TCF12: variants seen among roughly 807,000 people sequenced by gnomAD.
TCF12 encodes transcription factor 12, also known as DNA-binding protein HTF4.
In TCF12, 45 loss-of-function variants were observed where a neutral mutation model predicts 86.0. That is an observed-to-expected ratio of 0.52 (90% CI 0.41 to 0.67). The LOEUF is 0.67. TCF12 is among the 30% of genes least tolerant of loss of function. The pLI is 0.00. For missense variants in TCF12, 881 were observed against 859.9 expected (o/e 1.02, Z -0.31); for synonymous variants, 330 against 299.6 (o/e 1.10, Z -1.05).
intron 5 of TCF12, among the ~76,000 whole-genome samples, chr15:57,113,345 A>C (rs985401540): frequency 6.6e-6 from 1 of 152,188 alleles, no homozygotes; most frequent in Non-Finnish European, 1.5e-5. Flanking sequence ...GCTGAGCAGC[A>C]TACCTTAGTA....
rs1453129046 is a variant in TCF12 at position 57,289,805 on chromosome 15, A to G, written c.*3660A>G. ...CTCTTATGGTTCTTGTCACCTAAGA[A>G]GTACTTAATAAATGATAAATATTTT... is the stretch of plus-strand genomic sequence containing the variant. On this transcript the variant is annotated 3_prime_UTR_variant, in exon 21 of 21. Transcript: ENST00000333725. 1 of 152,198 alleles carries G rather than the reference A, an allele frequency of 6.6e-6. No individual in the cohort carries two copies. The highest frequency in any genetic ancestry group is 2.4e-5 in the African/African-American group (1 of 41,466). 9.4% of individuals were successfully genotyped at this position (152,198 alleles called of 1,614,324 possible).
At chr15:57,252,281 C>T in intron 14 of TCF12, 140 bp from the exon 15 acceptor site, 2 of 597,100 alleles carry the variant, frequency 3.3e-6, no homozygotes, top group South Asian at 2.4e-5. Flanking sequence ...CTTTTCATAT[C>T]TTAATAAAAT....
chr15:57,236,307 C>T (rs761696981), intron 12 of TCF12, among the ~76,000 whole-genome samples: 10 of 151,876 alleles, frequency 6.6e-5, no homozygotes, highest in Non-Finnish European at 1.2e-4. Context: ...GCACTCAAAA[C>T]GTACTGAAAA....
At chr15:57,270,318 C>A (rs1217838135) in intron 18 of TCF12, among the ~76,000 whole-genome samples, 2 of 152,184 alleles carry the variant, frequency 1.3e-5, no homozygotes, top group African/African-American at 4.8e-5. Flanking sequence ...GATCTTCAAT[C>A]ACTGATATCC....
chr15:57,074,672 CT>C (rs1432438959), intron 4 of TCF12, among the ~76,000 whole-genome samples: 2 of 152,150 alleles, frequency 1.3e-5, no homozygotes, highest in Non-Finnish European at 2.9e-5. Context: ...CACAGTTGAA[CT>C]TTTGGAAAGT....
At chr15:57,263,006 G>A in intron 17 of TCF12, 106 bp from the exon 18 acceptor site, 1 of 1,198,198 alleles carries the variant, frequency 8.3e-7, no homozygotes, top group South Asian at 1.6e-5. Context: ...TCATAACCCT[G>A]TAACTGCTAA....
At chr15:57,219,325 AAAGAGGTTACTT>A (rs762208912) in intron 8 of TCF12, 13 of 1,227,894 alleles carry the variant, frequency 1.1e-5, no homozygotes, top group African/African-American at 1.5e-5. Flanking sequence ...ATGGAAATTG[AAAGAGGTTACTT>A]ACAGCATAAA....
At chr15:56,948,403 CG>C (rs2061110120) in intron 3 of TCF12, among the ~76,000 whole-genome samples, 1 of 152,118 alleles carries the variant, frequency 6.6e-6, no homozygotes. Context: ...CTAAAATCAC[CG>C]TAACTTCAGA....
intron 4 of TCF12, among the ~76,000 whole-genome samples, chr15:57,074,733 A>G (rs1461351345): frequency 1.3e-5 from 2 of 152,222 alleles, no homozygotes; most frequent in African/African-American, 4.8e-5. Context: ...AAAAAGAAGT[A>G]GGGCAACCCA....
At chr15:57,228,220 C>T (rs1350803230) in intron 8 of TCF12, among the ~76,000 whole-genome samples, 4 of 152,080 alleles carry the variant, frequency 2.6e-5, no homozygotes, top group African/African-American at 4.8e-5. Flanking sequence ...AAAATCAAGA[C>T]TGGCACAACT....
intron 3 of TCF12, among the ~76,000 whole-genome samples, chr15:57,019,418 C>T (rs1160903373): frequency 6.6e-6 from 1 of 152,092 alleles, no homozygotes; most frequent in Non-Finnish European, 1.5e-5. Flanking sequence ...GAGTTTAATG[C>T]AGGGCTGGCC....
intron 3 of TCF12, among the ~76,000 whole-genome samples, chr15:57,059,525 G>A (rs1339800358): frequency 1.3e-5 from 2 of 151,964 alleles, no homozygotes; most frequent in African/African-American, 4.8e-5. Flanking sequence ...CCTAGTCTTG[G>A]TTCAGGGTGG....
rs1334263090 is a variant in TCF12, at chr15:57,170,793, TATATATATATAA to T, written c.390+4328_390+4339del. On this transcript the variant is annotated intron_variant, in intron 6 of 20. Transcript: ENST00000333725. ...TATTATATATAATATATATATATAATATATATATATAATTTTTTTTTTTTTTTTTTTAGAGAT... is the reference window on the plus strand; with the variant it reads ...TATTATATATAATATATATATATAATTTTTTTTTTTTTTTTTTTTAGAGAT... Among the ~76,000 whole-genome samples, 81 of 35,146 alleles carry T rather than the reference TATATATATATAA, an allele frequency of 2.3e-3. 4 individuals carry two copies. The highest frequency in any genetic ancestry group is 5.5e-3 in the African/African-American group (49 of 8,912). 23.1% of individuals were successfully genotyped at this position (35,146 alleles called of 152,430 possible).
chr15:57,145,736 AT>A (rs1328842917), intron 5 of TCF12, among the ~76,000 whole-genome samples: 1 of 152,108 alleles, frequency 6.6e-6, no homozygotes, highest in African/African-American at 2.4e-5. Context: ...GCTGTTCCTG[AT>A]TCTCTCTTTC....
intron 3 of TCF12, among the ~76,000 whole-genome samples, chr15:56,986,969 CTG>C (rs2140932821): frequency 6.6e-6 from 1 of 152,208 alleles, no homozygotes; most frequent in African/African-American, 2.4e-5. Flanking sequence ...AGATCTTTGG[CTG>C]TTTTTGATAA....
At chr15:57,165,923 A>G (rs577692943) in intron 5 of TCF12, among the ~76,000 whole-genome samples, 1 of 152,350 alleles carries the variant, frequency 6.6e-6, no homozygotes, top group African/African-American at 2.4e-5. Flanking sequence ...TAGTGGGTAC[A>G]TGTATCATAT....
At chr15:57,188,849 C>T (rs1251403443) in intron 6 of TCF12, among the ~76,000 whole-genome samples, 3 of 152,198 alleles carry the variant, frequency 2.0e-5, no homozygotes, top group African/African-American at 7.2e-5. Context: ...AATGCAGTGG[C>T]ATTATCATAG....
chr15:57,238,323 A>C (rs948487497), intron 12 of TCF12, among the ~76,000 whole-genome samples: 17 of 152,168 alleles, frequency 1.1e-4, no homozygotes, highest in Non-Finnish European at 2.2e-4. Flanking sequence ...CCTTGATATA[A>C]AGGAGCTTTC....
intron 3 of TCF12, among the ~76,000 whole-genome samples, chr15:56,998,823 C>G (rs2063857300): frequency 6.6e-6 from 1 of 151,976 alleles, no homozygotes; most frequent in Non-Finnish European, 1.5e-5. Context: ...ATTGAACTTA[C>G]AAAAAATATA....
Sources: allele counts gnomAD v4.1 joint callset (sites outside exome capture counted in the v4.1 genomes callset), GRCh38; gene constraint gnomAD v4.1.1; transcripts MANE v1.5; gene names NCBI Gene and HGNC (gene_info 2026-07-23, HGNC 2026-07-21).